The following MYO1D variants were observed in gnomAD, a reference collection of about 807,000 sequenced individuals.
The protein encoded by MYO1D is unconventional myosin-Id.
MYO1D carries 83 observed loss-of-function variants against 122.0 expected under a neutral mutation model. The observed-to-expected ratio is 0.68, with a 90% CI of 0.57 to 0.82. The LOEUF (loss-of-function observed/expected upper bound fraction) is 0.82. MYO1D is among the 40% of genes least tolerant of loss of function. The pLI is 0.00. For missense variants in MYO1D, 1,157 were observed against 1,269.5 expected (o/e 0.91, Z 1.35); for synonymous variants, 464 against 446.9 (o/e 1.04, Z -0.48).
intron 21 of MYO1D, among the ~76,000 whole-genome samples, chr17:32,582,342 A>C (rs921791550): frequency 6.6e-6 from 1 of 152,254 alleles, no homozygotes; most frequent in Admixed American, 6.5e-5. Flanking sequence ...GCAGCATTAC[A>C]TGAATTTTGA....
intron 21 of MYO1D, among the ~76,000 whole-genome samples, chr17:32,560,357 T>C (rs1227501022): frequency 6.6e-6 from 1 of 151,388 alleles, no homozygotes; most frequent in Non-Finnish European, 1.5e-5. Context: ...TGCATAAATA[T>C]GGTAATTGAT....
chr17:32,624,271 T>C (rs1183497492), intron 20 of MYO1D, among the ~76,000 whole-genome samples: 2 of 150,572 alleles, frequency 1.3e-5, no homozygotes, highest in African/African-American at 4.9e-5. Context: ...AGGCTGGTAT[T>C]GAACTCCTGG....
chr17:32,613,640 G>T (rs1386876741), intron 20 of MYO1D, among the ~76,000 whole-genome samples: 1 of 151,792 alleles, frequency 6.6e-6, no homozygotes, highest in African/African-American at 2.4e-5. Context: ...TGTGCGTGGT[G>T]GTGCGTGCCT....
At chr17:32,789,769 TCAAGC>T (rs1414946237) in intron 1 of MYO1D, among the ~76,000 whole-genome samples, 2 of 152,056 alleles carry the variant, frequency 1.3e-5, no homozygotes, top group African/African-American at 4.8e-5. Context: ...CAGCCACAAG[TCAAGC>T]CAAGCCAAGG....
intron 21 of MYO1D, among the ~76,000 whole-genome samples, chr17:32,559,344 C>G (rs1202388049): frequency 6.6e-6 from 1 of 152,194 alleles, no homozygotes; most frequent in Non-Finnish European, 1.5e-5. Flanking sequence ...AAAGGTTTCT[C>G]CACACATAAT....
intron 14 of MYO1D, among the ~76,000 whole-genome samples, chr17:32,725,851 G>T (rs2089565722): frequency 6.6e-6 from 1 of 151,892 alleles, no homozygotes; most frequent in Non-Finnish European, 1.5e-5. Flanking sequence ...GCAGCCAGAG[G>T]GAAAAAAAAG....
intron 16 of MYO1D, among the ~76,000 whole-genome samples, chr17:32,664,016 T>G (rs1439311185): frequency 6.6e-6 from 1 of 152,218 alleles, no homozygotes; most frequent in African/African-American, 2.4e-5. Flanking sequence ...ATTTGATATT[T>G]GTTAATCTTA....
chr17:32,640,264 C>G (rs1170031692), intron 19 of MYO1D, among the ~76,000 whole-genome samples: 1 of 152,166 alleles, frequency 6.6e-6, no homozygotes, highest in Non-Finnish European at 1.5e-5. Flanking sequence ...AGGATTGGCA[C>G]TTGTCAGAAA....
chr17:32,573,933 G>C (rs919041825), intron 21 of MYO1D, among the ~76,000 whole-genome samples: 1 of 152,088 alleles, frequency 6.6e-6, no homozygotes, highest in Non-Finnish European at 1.5e-5. Flanking sequence ...CTCACTGCAG[G>C]CTCCGCCCCC....
chr17:32,844,324 TATA>T (rs900731937), intron 1 of MYO1D, among the ~76,000 whole-genome samples: 26 of 147,016 alleles, frequency 1.8e-4, no homozygotes, highest in African/African-American at 5.5e-4. Context: ...GTATATATTA[TATA>T]ATATGTATAT....
At chr17:32,666,189 C>A (rs1189209588) in intron 16 of MYO1D, among the ~76,000 whole-genome samples, 2 of 152,170 alleles carry the variant, frequency 1.3e-5, no homozygotes, top group African/African-American at 4.8e-5. Flanking sequence ...GTCAGGGCCA[C>A]CCCTCATCCC....
At chr17:32,798,990 A>G (rs1263284750) in intron 1 of MYO1D, among the ~76,000 whole-genome samples, 1 of 152,232 alleles carries the variant, frequency 6.6e-6, no homozygotes, top group Non-Finnish European at 1.5e-5. Flanking sequence ...ATTTCTAAGT[A>G]TTAAATGGGT....
chr17:32,509,852 A>G (rs1202420190), intron 21 of MYO1D: 1 of 152,124 alleles, frequency 6.6e-6, no homozygotes, highest in African/African-American at 2.4e-5. Context: ...CTCCCAAAGT[A>G]TGTGGGCAGA....
chr17:32,874,618 A>G (rs2091213372), intron 1 of MYO1D, among the ~76,000 whole-genome samples: 1 of 152,170 alleles, frequency 6.6e-6, no homozygotes, highest in South Asian at 2.1e-4. Context: ...CCTTGCACAC[A>G]GTAGAATTAA....
At chr17:32,649,349 T>C (rs2088351319) in intron 19 of MYO1D, among the ~76,000 whole-genome samples, 2 of 152,104 alleles carry the variant, frequency 1.3e-5, no homozygotes, top group Non-Finnish European at 1.5e-5. Flanking sequence ...AAACAATAAC[T>C]CCCCAGTCCT....
At chr17:32,528,336 G>A (rs1297712609) in intron 21 of MYO1D, among the ~76,000 whole-genome samples, 1 of 152,182 alleles carries the variant, frequency 6.6e-6, no homozygotes, top group East Asian at 1.9e-4. Flanking sequence ...GGTGGGAGAG[G>A]GTGAGATGGG....
At chr17:32,576,992 G>A (rs1597907327) in intron 21 of MYO1D, among the ~76,000 whole-genome samples, 4 of 152,166 alleles carry the variant, frequency 2.6e-5, no homozygotes, top group East Asian at 3.9e-4. Context: ...GCTCACGCCT[G>A]TAATCCTAGC....
chr17:32,682,940 G>C (rs1598004268), intron 16 of MYO1D, among the ~76,000 whole-genome samples: 1 of 97,710 alleles, frequency 1.0e-5, no homozygotes, highest in Non-Finnish European at 1.9e-5. Flanking sequence ...TGGAGGCTTT[G>C]CTCATTTCTT....
chr17:32,529,431 A>C (rs899176242), intron 21 of MYO1D, among the ~76,000 whole-genome samples: 1 of 152,156 alleles, frequency 6.6e-6, no homozygotes, highest in African/African-American at 2.4e-5. Context: ...TTGCAGTTGT[A>C]AGTTTCTCCC....
Sources: allele counts gnomAD v4.1 joint callset (sites outside exome capture counted in the v4.1 genomes callset), GRCh38; gene constraint gnomAD v4.1.1; transcripts MANE v1.5; gene names NCBI Gene and HGNC (gene_info 2026-07-23, HGNC 2026-07-21).